Variants in DHRS3 observed in about 807,000 individuals in gnomAD.
DHRS3 encodes the protein dehydrogenase/reductase 3.
In DHRS3, 14 loss-of-function variants were observed where a neutral mutation model predicts 27.2. The ratio of observed to expected loss-of-function variants is 0.52; its 90% CI spans 0.34 to 0.81. The LOEUF (loss-of-function observed/expected upper bound fraction) is 0.81. DHRS3 is among the 30% of genes least tolerant of loss of function. The probability of loss-of-function intolerance (pLI) is 0.01; values close to 1 mark genes in which losing one functional copy is unlikely to be tolerated. For missense variants in DHRS3, 322 were observed against 406.2 expected, an observed-to-expected ratio of 0.79 and a Z score of 1.78; for synonymous variants, 165 against 175.9, an observed-to-expected ratio of 0.94 and a Z score of 0.49.
intron 1 of DHRS3, 123 bp from the exon 2 acceptor site, chr1:12,580,789 C>G: frequency 8.5e-7 from 1 of 1,179,936 alleles, no homozygotes; most frequent in African/African-American, 1.5e-5. Context: ...CCTGGTTCCA[C>G]CCAAAGATAA....
At chr1:12,577,687 C>T (rs1021471052) in intron 4 of DHRS3, among the ~76,000 whole-genome samples, 2 of 152,034 alleles carry the variant, frequency 1.3e-5, no homozygotes, top group Non-Finnish European at 2.9e-5. Flanking sequence ...TAGCTGGGTG[C>T]AAGCGCACGC....
intron 1 of DHRS3, among the ~76,000 whole-genome samples, chr1:12,588,701 C>T (rs549040974): frequency 4.6e-5 from 7 of 152,352 alleles, no homozygotes; most frequent in Admixed American, 4.6e-4. Context: ...CTCTACCCAG[C>T]CTTGCCTTCC....
intron 1 of DHRS3, among the ~76,000 whole-genome samples, chr1:12,611,699 G>C (rs766621591): frequency 1.3e-5 from 2 of 152,024 alleles, no homozygotes; most frequent in Non-Finnish European, 2.9e-5. Flanking sequence ...GAGAATTTTT[G>C]AGCGTGCCGG....
intron 1 of DHRS3, among the ~76,000 whole-genome samples, chr1:12,585,794 A>G (rs957639930): frequency 7.2e-5 from 11 of 152,130 alleles, no homozygotes; most frequent in Admixed American, 7.2e-4. Context: ...GGCCATCATG[A>G]GCATGAGGAC....
intron 1 of DHRS3, among the ~76,000 whole-genome samples, chr1:12,607,861 ATGTG>A (rs1181504853): frequency 1.5e-5 from 2 of 132,520 alleles, no homozygotes; most frequent in East Asian, 5.4e-4. Flanking sequence ...GTGTGTGTGT[ATGTG>A]TGTGTGTGTG....
intron 1 of DHRS3, among the ~76,000 whole-genome samples, chr1:12,599,740 C>A (rs2100705711): frequency 6.6e-6 from 1 of 152,366 alleles, no homozygotes; most frequent in East Asian, 1.9e-4. Flanking sequence ...ATCCTTAACG[C>A]CTCAGCTTAG....
chr1:12,609,984 C>G (rs1404979342), intron 1 of DHRS3, among the ~76,000 whole-genome samples: 1 of 152,184 alleles, frequency 6.6e-6, no homozygotes, highest in Non-Finnish European at 1.5e-5. Context: ...CTTCCTTATA[C>G]CCTACCTAGA....
intron 1 of DHRS3, among the ~76,000 whole-genome samples, chr1:12,598,616 C>T (rs968059739): frequency 2.0e-5 from 3 of 152,178 alleles, no homozygotes; most frequent in Non-Finnish European, 4.4e-5. Flanking sequence ...ACTGTGATTA[C>T]GGGTGGCTGC....
chr1:12,582,784 GTCCA>G (rs1449192569), intron 1 of DHRS3, among the ~76,000 whole-genome samples: 2 of 151,502 alleles, frequency 1.3e-5, no homozygotes, highest in African/African-American at 2.4e-5. Context: ...CCGTTCACCA[GTCCA>G]TCCATCTATC....
intron 4 of DHRS3, among the ~76,000 whole-genome samples, chr1:12,576,674 T>C (rs1355785156): frequency 6.6e-6 from 1 of 151,274 alleles, no homozygotes; most frequent in Non-Finnish European, 1.5e-5. Context: ...CCAAAACCCA[T>C]GGGGGAAAAA....
intron 2 of DHRS3, chr1:12,580,134 A>C (rs1646630620): frequency 2.9e-5 from 9 of 315,422 alleles, no homozygotes; most frequent in Non-Finnish European, 4.9e-5. Flanking sequence ...CTGCGACATA[A>C]AAACAGTTAA....
rs541091234 is a variant in DHRS3, at chr1:12,572,443, T to A, written c.824+285A>T. On this transcript the variant is annotated intron_variant, in intron 5 of 5. Transcript: ENST00000616661. ...CCTCGGCCTCCCAAAGTGCTAGGAT[T>A]ACAGGCGTGAGCCACTGCGCCTGGC... Among the ~76,000 whole-genome samples, 28 of 152,350 alleles carry A rather than the reference T, an allele frequency of 1.8e-4. No individual in the cohort carries two copies. In the South Asian group the frequency reaches 5.8e-3, roughly 32 times the overall value.
chr1:12,576,839 C>T (rs981342103), intron 4 of DHRS3, among the ~76,000 whole-genome samples: 1 of 148,990 alleles, frequency 6.7e-6, no homozygotes, highest in East Asian at 2.0e-4. Context: ...GCAGCAGCTC[C>T]TTATTGAGCA....
chr1:12,606,592 C>T (rs1009977714), intron 1 of DHRS3, among the ~76,000 whole-genome samples: 1 of 152,026 alleles, frequency 6.6e-6, no homozygotes, highest in African/African-American at 2.4e-5. Flanking sequence ...CGGGTTCAAG[C>T]GATTCTCCTG....
In DHRS3 at chr1:12,617,394, A is replaced by G; in HGVS notation, c.-46T>C. 6.4e-7 allele frequency: 1 copy of G among 1,569,052 alleles called. No homozygotes were observed. Reference sequence around the variant, plus strand: ...GCAGGGGGCGAAACTCCCCGGGCCGAGCAATACAGGAATTAAAAAACACCC... The same window carrying G: ...GCAGGGGGCGAAACTCCCCGGGCCGGGCAATACAGGAATTAAAAAACACCC... On this transcript the variant is annotated 5_prime_UTR_variant, in exon 1 of 6. Coordinates refer to ENST00000616661, the MANE Select transcript of DHRS3 (RefSeq NM_004753.7).
chr1:12,612,816 C>T (rs892315473), intron 1 of DHRS3, among the ~76,000 whole-genome samples: 15 of 152,060 alleles, frequency 9.9e-5, no homozygotes, highest in South Asian at 2.1e-4. Context: ...CCGAGCACTT[C>T]GGGAGGCTGA....
chr1:12,616,499 C>T (rs1049927460), intron 1 of DHRS3: 1 of 949,796 alleles, frequency 1.1e-6, no homozygotes, highest in Non-Finnish European at 1.3e-6. Context: ...GGGGGGTGTA[C>T]TGGGGGGGAG....
At chr1:12,616,127 T>C (rs1019144440) in intron 1 of DHRS3, among the ~76,000 whole-genome samples, 2 of 152,214 alleles carry the variant, frequency 1.3e-5, no homozygotes, top group African/African-American at 2.4e-5. Flanking sequence ...ACAGTACATA[T>C]TTACTTAATC....
intron 2 of DHRS3, chr1:12,580,201 T>G (rs1350620036): frequency 2.5e-6 from 1 of 395,418 alleles, no homozygotes; most frequent in Non-Finnish European, 4.8e-6. Flanking sequence ...GTCACTGATA[T>G]ATTTAGCCCA....
Sources: allele counts gnomAD v4.1 joint callset (sites outside exome capture counted in the v4.1 genomes callset), GRCh38; gene constraint gnomAD v4.1.1; transcripts MANE v1.5; gene names NCBI Gene and HGNC (gene_info 2026-07-23, HGNC 2026-07-21).